MYO18B: variants seen among roughly 807,000 people sequenced by gnomAD.
MYO18B encodes unconventional myosin-XVIIIb.
MYO18B carries 204 observed loss-of-function variants against 273.0 expected under a neutral mutation model. The ratio of observed to expected loss-of-function variants is 0.75; its 90% CI spans 0.67 to 0.84. MYO18B has a LOEUF of 0.84. Ranked by LOEUF, MYO18B falls within the 40% of genes least tolerant of loss-of-function variation. The pLI is 0.00. For synonymous variants in MYO18B, 1,330 were observed against 1,305.7 expected (o/e 1.02, Z -0.40); for missense variants, 3,212 against 3,287.6 (o/e 0.98, Z 0.56).
Position 25,839,331 on chromosome 22 carries a change from G to C in MYO18B, c.3208+3888G>C, listed in dbSNP as rs139716710. Among the ~76,000 whole-genome samples, 12 of 152,286 alleles carry C rather than the reference G, an allele frequency of 7.9e-5. No homozygotes were observed. In the East Asian group the frequency reaches 1.9e-3, roughly 24 times the overall value. ...GTGCCCATGAAAGCAAACGTGCCTA[G>C]GGCCCAGGAAGTTGTGCTGCGGCCC... On this transcript the variant is annotated intron_variant, in intron 17 of 43. Coordinates refer to ENST00000335473, the MANE Select transcript of MYO18B (RefSeq NM_032608.7).
chr22:25,955,126 T>G, intron 38 of MYO18B, 53 bp from the exon 39 acceptor site: 1 of 1,487,754 alleles, frequency 6.7e-7, no homozygotes, highest in Non-Finnish European at 9.0e-7. Flanking sequence ...CTCCCTTGTT[T>G]CATACCCCTG....
At chr22:25,828,752 T>A (rs1253502869) in intron 14 of MYO18B, 24 bp from the exon 15 acceptor site, 3 of 1,603,932 alleles carry the variant, frequency 1.9e-6, no homozygotes, top group Non-Finnish European at 1.7e-6. Context: ...TCTCAGACAT[T>A]CCACCTCTCT....
chr22:25,914,686 C>CTTTTTTTTTTT lies in MYO18B; in HGVS notation c.5364+3654_5364+3664dup, dbSNP rs3070566. On this transcript the variant is annotated intron_variant, in intron 33 of 43. Coordinates refer to ENST00000335473, the MANE Select transcript of MYO18B (RefSeq NM_032608.7). Reference sequence around the variant, plus strand: ...TTTGAAAATAAGAATAGTTTTGACTCTTTTTTTTTTTTTTTTTTTTTTTTT... The same window carrying CTTTTTTTTTTT: ...TTTGAAAATAAGAATAGTTTTGACTCTTTTTTTTTTTTTTTTTTTTTTTTTTTTTTTTTTTT... Among the ~76,000 whole-genome samples, 158 of 50,848 alleles carry CTTTTTTTTTTT rather than the reference C, an allele frequency of 3.1e-3. 60 individuals are homozygous for CTTTTTTTTTTT. Among genetic ancestry groups the CTTTTTTTTTTT allele is most frequent in the African/African-American group, 9.8e-3 (116 of 11,796 alleles). 33.4% of individuals were successfully genotyped at this position (50,848 alleles called of 152,430 possible).
intron 39 of MYO18B, among the ~76,000 whole-genome samples, chr22:25,973,180 G>C (rs796441950): frequency 4.3e-4 from 65 of 152,190 alleles, no homozygotes; most frequent in African/African-American, 1.4e-3. Context: ...ACACTTAGTA[G>C]GTGTTCCAAT....
At chr22:25,828,160 C>G (rs561972667) in intron 14 of MYO18B, among the ~76,000 whole-genome samples, 1 of 152,298 alleles carries the variant, frequency 6.6e-6, no homozygotes, top group African/African-American at 2.4e-5. Context: ...CAACAGCCCT[C>G]TGAGCTAGTC....
intron 35 of MYO18B, among the ~76,000 whole-genome samples, chr22:25,947,048 A>G (rs2092720245): frequency 6.6e-6 from 1 of 152,138 alleles, no homozygotes; most frequent in African/African-American, 2.4e-5. Context: ...TTTATAGGCA[A>G]ATGCTTATCT....
At chr22:25,925,190 AAC>A (rs1228872189) in intron 34 of MYO18B, among the ~76,000 whole-genome samples, 1 of 152,128 alleles carries the variant, frequency 6.6e-6, no homozygotes. Flanking sequence ...AGAGAAGTTA[AAC>A]ACCATTTTAA....
At chr22:25,941,655 C>G (rs557549732) in intron 34 of MYO18B, among the ~76,000 whole-genome samples, 2 of 152,362 alleles carry the variant, frequency 1.3e-5, no homozygotes, top group South Asian at 4.1e-4. Flanking sequence ...CCCCATATTT[C>G]TTTCTGCTCC....
chr22:26,029,845 T>C (rs898063782), intron 43 of MYO18B, among the ~76,000 whole-genome samples: 1 of 152,118 alleles, frequency 6.6e-6, no homozygotes, highest in Non-Finnish European at 1.5e-5. Context: ...AAAGTAACGC[T>C]GTGGATTTCA....
intron 11 of MYO18B, among the ~76,000 whole-genome samples, chr22:25,791,873 A>G (rs528260277): frequency 1.3e-5 from 2 of 152,326 alleles, no homozygotes; most frequent in South Asian, 2.1e-4. Flanking sequence ...TCTGTTTTTC[A>G]GAAGAAGTAG....
In MYO18B at chr22:25,794,124, G is replaced by A. The variant is rs940695968; in HGVS notation, c.2377-3829G>A. On this transcript the variant is annotated intron_variant, in intron 11 of 43. Transcript: ENST00000335473. ...AATTTTTTGTATTTTTGGTAGAGAC[G>A]GGGTTTCACTGGTTAACCAGGATGG... Among the ~76,000 whole-genome samples the A allele has an allele frequency of 3.9e-5, 6 of 152,050 alleles. No homozygotes were observed. The South Asian group carries it at 6.2e-4, about 16-fold the overall frequency.
intron 17 of MYO18B, among the ~76,000 whole-genome samples, chr22:25,840,507 C>T (rs751430538): frequency 6.6e-6 from 1 of 152,280 alleles, no homozygotes; most frequent in African/African-American, 2.4e-5. Flanking sequence ...GCTCATCAGT[C>T]ATTTCCCCTT....
rs192202802 is a variant in MYO18B, at chr22:25,803,688, C to A, written c.2521+5591C>A. ...TCCCGTATCTAAGCCTCAGTTCTCT[C>A]ATCTATAAAATGGGGACAGCTATGA... On this transcript the variant is annotated intron_variant, in intron 12 of 43. Transcript: ENST00000335473. 3.3e-5 allele frequency among the ~76,000 whole-genome samples: 5 copies of A among 152,254 alleles called. No homozygotes were observed. The East Asian group carries it at 9.6e-4, about 29-fold the overall frequency.
chr22:25,860,171 C>T (rs2090689789), intron 21 of MYO18B, among the ~76,000 whole-genome samples: 1 of 152,214 alleles, frequency 6.6e-6, no homozygotes, highest in Non-Finnish European at 1.5e-5. Context: ...TTTTCGTAAT[C>T]TAAATTCATT....
intron 27 of MYO18B, 72 bp from the exon 28 acceptor site, chr22:25,895,065 CAAGAGCCAAGAAAGTGGAG>C: frequency 6.9e-7 from 1 of 1,457,416 alleles, no homozygotes; most frequent in Non-Finnish European, 9.3e-7. Context: ...AATTGCATGC[CAAGAGCCAAGAAAGTGGAG>C]GAGAGCCACT....
chr22:25,789,506 C>T (rs531152099), intron 11 of MYO18B, among the ~76,000 whole-genome samples: 9 of 151,734 alleles, frequency 5.9e-5, no homozygotes, highest in East Asian at 2.0e-4. Context: ...TGTGGTGGCA[C>T]GTGCCTGTAA....
At chr22:26,049,652 G>C in the MYO18B span, among the ~76,000 whole-genome samples, 1 of 152,216 alleles carries the variant, frequency 6.6e-6, no homozygotes, top group Admixed American at 6.5e-5. Context: ...TCAGTGCCCA[G>C]CACTGGGAGA....
chr22:25,896,018 A>G (rs7364149), intron 28 of MYO18B, among the ~76,000 whole-genome samples: 6,702 of 150,606 alleles, frequency 0.045, 174 homozygotes, highest in Middle Eastern at 0.077. Flanking sequence ...TAATTTTTTT[A>G]ACATTCTGTT....
At chr22:25,758,197 A>G (rs1475679575) in intron 1 of MYO18B, among the ~76,000 whole-genome samples, 1 of 152,142 alleles carries the variant, frequency 6.6e-6, no homozygotes, top group Non-Finnish European at 1.5e-5. Flanking sequence ...TATTTTTAGT[A>G]GAGACAGGGT....
Sources: gnomAD v4.1 joint callset for allele counts (sites outside exome capture counted in the v4.1 genomes callset) on GRCh38, gnomAD v4.1.1 for gene constraint, MANE v1.5 for transcripts, NCBI Gene and HGNC (gene_info 2026-07-23, HGNC 2026-07-21) for gene names.